Variants in MRPS2 observed in about 807,000 individuals in gnomAD.
MRPS2 encodes the protein small ribosomal subunit protein uS2m.
A neutral mutation model predicts 18.9 loss-of-function variants in MRPS2; 13 were observed. The ratio of observed to expected loss-of-function variants is 0.69; its 90% CI spans 0.45 to 1.09. The LOEUF (loss-of-function observed/expected upper bound fraction) is 1.09. Among genes scored for constraint, MRPS2 ranks in the 50% least tolerant of loss-of-function variants. MRPS2 has a pLI of 0.00. For missense variants in MRPS2, 389 were observed against 421.7 expected, an observed-to-expected ratio of 0.92 and a Z score of 0.68; for synonymous variants, 186 against 178.4, an observed-to-expected ratio of 1.04 and a Z score of -0.34.
chr9:135,502,106 A>C, intron 3 of MRPS2, 133 bp downstream of exon 3: 1 of 1,489,330 alleles, frequency 6.7e-7, no homozygotes, highest in Non-Finnish European at 8.9e-7. Flanking sequence ...TCCACATGGG[A>C]ATACAGAGCC....
At chr9:135,502,227 C>T (rs1295823003) in intron 3 of MRPS2, 24 of 1,298,734 alleles carry the variant, frequency 1.8e-5, no homozygotes, top group East Asian at 3.6e-5. Context: ...CAGGACTCCA[C>T]GGGTTCAGAA....
At chr9:135,503,292 G>C in intron 3 of MRPS2, 4 of 1,389,004 alleles carry the variant, frequency 2.9e-6, no homozygotes, top group Non-Finnish European at 3.7e-6. Context: ...AGTTCTATTA[G>C]GATTCCTTCG....
Position 135,504,486 on chromosome 9 carries a change from C to T in MRPS2, c.*353C>T, listed in dbSNP as rs1831246270. The T allele has an allele frequency of 3.9e-6, 1 of 258,022 alleles. No homozygotes were observed. Among genetic ancestry groups the T allele is most frequent in the Non-Finnish European group, 7.3e-6 (1 of 136,088 alleles). The allele number at this position is 258,022 out of a possible 1,614,324, so 16.0% of individuals were successfully genotyped here. A position where few individuals can be genotyped will look rare whatever the true frequency, so the allele number is the denominator to read the frequency against. On this transcript the variant is annotated 3_prime_UTR_variant, in exon 4 of 4. Transcript: ENST00000241600. The surrounding 1 kb of genome is among the most constrained non-coding windows in gnomAD (Gnocchi z 4.3). ...ACCCCTGACCTTTGTCAGGAAGGTG[C>T]AGTTTTTCTTCTCAATCTAAATGCC...
chr9:135,503,320 G>A, intron 3 of MRPS2: 2 of 1,420,072 alleles, frequency 1.4e-6, no homozygotes, highest in Non-Finnish European at 1.8e-6. Flanking sequence ...GTAGAGGGTA[G>A]GAGGGGTTAA....
At chr9:135,500,509 G>A (rs889417310), upstream of MRPS2, 14 of 508,916 alleles carry the variant, frequency 2.8e-5, no homozygotes, top group African/African-American at 2.4e-4. Flanking sequence ...TCCACTCCCC[G>A]CCCGAGACTC....
Position 135,504,072 on chromosome 9 carries a change from A to G in MRPS2, c.830A>G (p.Lys277Arg). 1 of 1,612,810 alleles carries G rather than the reference A, an allele frequency of 6.2e-7. No individual in the cohort carries two copies. Among genetic ancestry groups the G allele is most frequent in the South Asian group, 1.1e-5 (1 of 91,082 alleles). The change falls in exon 4 of 4, where the codon AAG (lysine) becomes AGG (arginine). Residue 277 changes from lysine (K) to arginine (R), a missense_variant. Physicochemically the swap from Lys to Arg is conservative, Grantham distance 26. Transcript: ENST00000241600. This position sits in a 1 kb window ranked among gnomAD's most constrained non-coding sequence, Gnocchi z 4.3. ...VEALYRLQGQ[K>R]EPGDQGPAHP... ...GCTCTCTATCGCCTGCAGGGCCAGA[A>G]GGAGCCCGGGGACCAGGGGCCAGCC...
chr9:135,503,341 G>A (rs541078156), intron 3 of MRPS2: 6 of 1,421,044 alleles, frequency 4.2e-6, no homozygotes, highest in East Asian at 5.1e-5. Flanking sequence ...GCCACGAGAC[G>A]AGGCATGCAG....
rs1831188836 is a variant in MRPS2 at position 135,503,087 on chromosome 9, G to A, written c.300-455G>A. The A allele has an allele frequency of 5.0e-6, 5 of 996,488 alleles. No individual in the cohort carries two copies. The South Asian group carries it at 1.4e-4, about 27-fold the overall frequency. 61.7% of individuals were successfully genotyped at this position (996,488 alleles called of 1,614,324 possible). A position where few individuals can be genotyped will look rare whatever the true frequency, so the allele number is the denominator to read the frequency against. On this transcript the variant is annotated intron_variant, in intron 3 of 3. Coordinates refer to ENST00000241600, the MANE Select transcript of MRPS2 (RefSeq NM_016034.5). ...CCAGTGCTTTGGATCAGGGTTCCCCGCCCAGGCTTGGCCACTCCTGCCCTG... is the reference window on the plus strand; with the variant it reads ...CCAGTGCTTTGGATCAGGGTTCCCCACCCAGGCTTGGCCACTCCTGCCCTG...
intron 3 of MRPS2, among the ~76,000 whole-genome samples, chr9:135,502,954 T>C (rs1369025585): frequency 2.6e-5 from 4 of 152,142 alleles, no homozygotes; most frequent in Non-Finnish European, 5.9e-5. Context: ...GGGAGTAGAC[T>C]GGAGGTGAGG....
chr9:135,501,322 A>G, intron 2 of MRPS2, 199 bp downstream of exon 2: 4 of 1,403,020 alleles, frequency 2.9e-6, no homozygotes, highest in Non-Finnish European at 3.7e-6. Context: ...CTCACCATGG[A>G]TAGGGTGAGA....
At chr9:135,500,343 T>C (rs951899756), upstream of MRPS2, 2 of 345,938 alleles carry the variant, frequency 5.8e-6, no homozygotes, top group Admixed American at 4.8e-5. Context: ...CAAACAGTTT[T>C]GGAGAGCGAG....
chr9:135,502,974 C>T (rs2119363177), intron 3 of MRPS2, among the ~76,000 whole-genome samples: 1 of 152,236 alleles, frequency 6.6e-6, no homozygotes, highest in East Asian at 1.9e-4. Context: ...GACCTGGGAA[C>T]CGCAAATGTG....
chr9:135,501,180 G>A (rs1831117032), intron 2 of MRPS2, 57 bp downstream of exon 2: 1 of 1,518,114 alleles, frequency 6.6e-7, no homozygotes, highest in Non-Finnish European at 8.8e-7. Context: ...GGCAGCCGCG[G>A]GGGATGCGAA....
chr9:135,503,879 G>A lies in MRPS2; in HGVS notation c.637G>A (p.Ala213Thr). 6.2e-7 allele frequency: 1 copy of A among 1,614,030 alleles called. No individual in the cohort carries two copies. The highest frequency in any genetic ancestry group is 8.5e-7 in the Non-Finnish European group (1 of 1,180,046). Residue 213 changes from alanine (A) to threonine (T), a missense_variant, in exon 4 of 4, where the codon GCC becomes ACC. Transcript: ENST00000241600. ...FEPHVAVRDAAKMNIPTVGIV... is the reference protein window; with the variant it reads ...FEPHVAVRDATKMNIPTVGIV... ...GCCACACGTGGCCGTGAGAGACGCA[G>A]CCAAGATGAACATCCCCACAGTGGG...
At position 135,500,747 on chromosome 9, in the gene MRPS2, G is replaced by C. The variant is rs1176772783; in HGVS notation, c.37G>C (p.Gly13Arg). 4 of 1,478,922 alleles carry C rather than the reference G, an allele frequency of 2.7e-6. No homozygotes were observed. The highest frequency in any genetic ancestry group is 5.2e-5 in the East Asian group (2 of 38,398). The allele number at this position is 1,478,922 out of a possible 1,614,324, so 91.6% of individuals were successfully genotyped here. Residue 13 changes from glycine to arginine, a missense_variant, in exon 1 of 4, where the codon GGC (glycine) becomes CGC (arginine). Coordinates refer to ENST00000241600, the MANE Select transcript of MRPS2 (RefSeq NM_016034.5). ...TSSAALPRIL[G>R]AGARAPSRWL... ...CTCGGCCGCGCTGCCCCGAATACTCGGCGCGGGTGAGCGCGCGCTTGCGGG... is the reference window on the plus strand; with the variant it reads ...CTCGGCCGCGCTGCCCCGAATACTCCGCGCGGGTGAGCGCGCGCTTGCGGG...
At chr9:135,501,183 G>A (rs966572497) in intron 2 of MRPS2, 60 bp downstream of exon 2, 3 of 1,514,614 alleles carry the variant, frequency 2.0e-6, no homozygotes, top group Non-Finnish European at 2.6e-6. Flanking sequence ...AGCCGCGGGG[G>A]ATGCGAACCC....
chr9:135,500,546 C>T, upstream of MRPS2: 1 of 666,378 alleles, frequency 1.5e-6, no homozygotes, highest in East Asian at 3.4e-5. Flanking sequence ...GGGCCCTGAC[C>T]CCTCGCGTGC....
chr9:135,501,237 G>T (rs1046010405), intron 2 of MRPS2, 114 bp downstream of exon 2: 37 of 1,445,646 alleles, frequency 2.6e-5, no homozygotes, highest in Non-Finnish European at 3.3e-5. Flanking sequence ...TGCGCGCTCC[G>T]CTGGGCTCCT....
chr9:135,501,030 C>G lies in MRPS2; in HGVS notation c.76C>G (p.Leu26Val), dbSNP rs140628488. 2.2e-5 allele frequency: 36 copies of G among 1,611,706 alleles called. No individual in the cohort carries two copies. In the African/African-American group the frequency reaches 3.6e-4, roughly 16 times the overall value. ...ARAPSRWLGFLGKATPRPARP... is the reference protein window; with the variant it reads ...ARAPSRWLGFVGKATPRPARP... ...GGCCCCGTCGCGCTGGTTGGGCTTT[C>G]TCGGGAAGGCGACCCCCCGGCCTGC... The change falls in exon 2 of 4, where the codon CTC becomes GTC. Residue 26 changes from leucine to valine, a missense_variant. Coordinates refer to ENST00000241600, the MANE Select transcript of MRPS2 (RefSeq NM_016034.5).
Sources: allele counts gnomAD v4.1 joint callset (sites outside exome capture counted in the v4.1 genomes callset), GRCh38; gene constraint gnomAD v4.1.1; non-coding constraint Gnocchi (gnomAD v3.1); transcripts MANE v1.5; gene names NCBI Gene and HGNC (gene_info 2026-07-23, HGNC 2026-07-21).